The following ZFYVE28 variants were observed in gnomAD, a reference collection of about 807,000 sequenced individuals.
ZFYVE28 encodes zinc finger FYVE-type containing 28, also known as lateral signaling target protein 2 homolog.
Under a neutral mutation model 82.1 loss-of-function variants are expected in ZFYVE28, and 40 were observed. That is an observed-to-expected ratio of 0.49 (90% CI 0.38 to 0.63). The LOEUF (loss-of-function observed/expected upper bound fraction) is 0.63. ZFYVE28 is among the 30% of genes least tolerant of loss of function. The pLI, the probability that ZFYVE28 is intolerant of heterozygous loss-of-function variation, is 0.00. For missense variants in ZFYVE28, 1,321 were observed against 1,242.1 expected (o/e 1.06, Z -0.96); for synonymous variants, 612 against 546.1 (o/e 1.12, Z -1.68).
At position 2,372,081 on chromosome 4, in the gene ZFYVE28, C is replaced by T. The variant is rs751101740; in HGVS notation, c.40-18008G>A. 6.6e-6 allele frequency among the ~76,000 whole-genome samples: 1 copy of T among 152,140 alleles called. No homozygotes were observed. Among genetic ancestry groups the T allele is most frequent in the Non-Finnish European group, 1.5e-5 (1 of 68,016 alleles). ...AGTGGAAGCCTGGAGGGGCGTGCAG[C>T]GTGTGGCCGGTTCTGGTGCGCATGG... On this transcript the variant is annotated intron_variant, in intron 1 of 12. Transcript: ENST00000290974. This position sits in a 1 kb window ranked among gnomAD's most constrained non-coding sequence, Gnocchi z 5.2.
At chr4:2,281,132 G>T (rs1711906351) in intron 8 of ZFYVE28, among the ~76,000 whole-genome samples, 1 of 152,226 alleles carries the variant, frequency 6.6e-6, no homozygotes. Context: ...GTGGGAGGGG[G>T]AATGGGTGGA....
chr4:2,304,842 T>A lies in ZFYVE28; in HGVS notation c.1498A>T (p.Thr500Ser). Residue 500 changes from threonine (T) to serine (S), a missense_variant, in exon 8 of 13, where the codon ACG (threonine) becomes TCG (serine). Physicochemically the swap from Thr to Ser is moderately conservative, Grantham distance 58. Transcript: ENST00000290974. ...GWEVGADDAE[T>S]AEMIAHRTGG... is the part of the protein sequence containing the mutation. ...GTCCGGTGGGCGATCATCTCAGCCGTCTCTGCGTCATCCGCACCCACCTCC... is the reference window on the plus strand; with the variant it reads ...GTCCGGTGGGCGATCATCTCAGCCGACTCTGCGTCATCCGCACCCACCTCC... The A allele has an allele frequency of 6.2e-7, 1 of 1,612,314 alleles. No homozygotes were observed. Among genetic ancestry groups the A allele is most frequent in the South Asian group, 1.1e-5 (1 of 91,054 alleles).
Position 2,305,204 on chromosome 4 carries a change from G to C in ZFYVE28, c.1136C>G (p.Pro379Arg). 1 of 1,605,184 alleles carries C rather than the reference G, an allele frequency of 6.2e-7. No homozygotes were observed. The highest frequency in any genetic ancestry group is 1.3e-5 in the African/African-American group (1 of 74,938). Reference sequence around the variant, plus strand: ...TCTACCTGGAGAGGCCTCCCCGCCTGGGCTGCCCTCCGCTCCTGGCCTGTG... The same window carrying C: ...TCTACCTGGAGAGGCCTCCCCGCCTCGGCTGCCCTCCGCTCCTGGCCTGTG... ...PAHRPGAEGS[P>R]GGEASPGRPR... The change falls in exon 8 of 13, where the codon CCA becomes CGA. Residue 379 changes from proline to arginine, a missense_variant. Transcript: ENST00000290974.
At chr4:2,382,345 A>G (rs971932662) in intron 1 of ZFYVE28, among the ~76,000 whole-genome samples, 4 of 152,244 alleles carry the variant, frequency 2.6e-5, no homozygotes, top group Admixed American at 2.0e-4. Flanking sequence ...GAAAAGCTGT[A>G]GACACTCAAT....
rs140596619 is a variant in ZFYVE28, at chr4:2,415,550, T to C, written c.39+2735A>G. On this transcript the variant is annotated intron_variant, in intron 1 of 12. Coordinates refer to ENST00000290974, the MANE Select transcript of ZFYVE28 (RefSeq NM_020972.3). ...GCAGGAATTCAATTAAAAATTCAGT[T>C]TGAATTGTACATCTATCTAAATACA... is the stretch of plus-strand genomic sequence containing the variant. Among the ~76,000 whole-genome samples the C allele has an allele frequency of 4.3e-3, 655 of 152,226 alleles. 4 individuals are homozygous for C. Among genetic ancestry groups the C allele is most frequent in the Non-Finnish European group, 7.4e-3 (501 of 68,014 alleles).
At chr4:2,279,984 C>G (rs1439575588) in intron 8 of ZFYVE28, among the ~76,000 whole-genome samples, 1 of 152,122 alleles carries the variant, frequency 6.6e-6, no homozygotes, top group Non-Finnish European at 1.5e-5. Flanking sequence ...GGCTGTACAG[C>G]CTCATGGATG....
rs1428080134 is a variant in ZFYVE28 at position 2,397,730 on chromosome 4, G to A, written c.39+20555C>T. 5.9e-5 allele frequency among the ~76,000 whole-genome samples: 9 copies of A among 152,214 alleles called. No individual in the cohort carries two copies. The East Asian group carries it at 1.4e-3, about 23-fold the overall frequency. On this transcript the variant is annotated intron_variant, in intron 1 of 12. Transcript: ENST00000290974. ...CAGAGTGTCCTCACGGGTCATCCATGCCGTAGTATGTGTCGGAATGTCCTT... is the reference window on the plus strand; with the variant it reads ...CAGAGTGTCCTCACGGGTCATCCATACCGTAGTATGTGTCGGAATGTCCTT...
intron 8 of ZFYVE28, among the ~76,000 whole-genome samples, chr4:2,303,753 T>C (rs1049903894): frequency 1.3e-5 from 2 of 152,180 alleles, no homozygotes; most frequent in South Asian, 2.1e-4. Flanking sequence ...AATTTGCCCA[T>C]GGGTGGTCTC....
Position 2,332,346 on chromosome 4 carries a change from C to G in ZFYVE28, c.701+3359G>C, listed in dbSNP as rs772469921. 6.6e-6 allele frequency among the ~76,000 whole-genome samples: 1 copy of G among 152,148 alleles called. No homozygotes were observed. The highest frequency in any genetic ancestry group is 6.5e-5 in the Admixed American group (1 of 15,280). On this transcript the variant is annotated intron_variant, in intron 6 of 12. Coordinates refer to ENST00000290974, the MANE Select transcript of ZFYVE28 (RefSeq NM_020972.3). This position sits in a 1 kb window ranked among gnomAD's most constrained non-coding sequence, Gnocchi z 4.7. ...TTCCTGCGGCCCCCTGGTCCTTGCT[C>G]GAGCCCTGGACTTGCCCCTGAGCAT... is the stretch of plus-strand genomic sequence containing the variant.
At chr4:2,377,053 G>A (rs1207441592) in intron 1 of ZFYVE28, among the ~76,000 whole-genome samples, 1 of 150,164 alleles carries the variant, frequency 6.7e-6, no homozygotes, top group African/African-American at 2.5e-5. Context: ...ACGGAGTCTC[G>A]CTCTGTCACC....
At chr4:2,347,013 C>CAACT (rs1320373228) in intron 2 of ZFYVE28, among the ~76,000 whole-genome samples, 7 of 151,928 alleles carry the variant, frequency 4.6e-5, no homozygotes, top group Admixed American at 1.3e-4. Context: ...AAATGAGACC[C>CAACT]AACTATATGC....
intron 1 of ZFYVE28, among the ~76,000 whole-genome samples, chr4:2,415,354 C>T (rs1308788048): frequency 6.6e-6 from 1 of 152,128 alleles, no homozygotes; most frequent in East Asian, 1.9e-4. Flanking sequence ...CAGTGGCTCA[C>T]ACCTGTAATC....
At chr4:2,399,340 C>T (rs1200974841) in intron 1 of ZFYVE28, among the ~76,000 whole-genome samples, 1 of 152,184 alleles carries the variant, frequency 6.6e-6, no homozygotes, top group Non-Finnish European at 1.5e-5. Context: ...TCACGCCTCT[C>T]CTCCTGTCCA....
At chr4:2,342,102 T>C (rs1722914609) in intron 2 of ZFYVE28, among the ~76,000 whole-genome samples, 1 of 152,186 alleles carries the variant, frequency 6.6e-6, no homozygotes. Flanking sequence ...CATTCCTCTG[T>C]AGAGTCAGGG....
At chr4:2,336,775 GTGAGGAGGTGAGGAGTGAGGAGA>G (rs796854775) in intron 5 of ZFYVE28, among the ~76,000 whole-genome samples, 3 of 128,700 alleles carry the variant, frequency 2.3e-5, no homozygotes, top group African/African-American at 8.2e-5. Flanking sequence ...GAGTGAGGAG[GTGAGGAGGTGAGGAGTGAGGAGA>G]TGAGGAGGTG....
At chr4:2,336,202 C>T (rs925907788) in intron 5 of ZFYVE28, among the ~76,000 whole-genome samples, 1 of 152,204 alleles carries the variant, frequency 6.6e-6, no homozygotes, top group Non-Finnish European at 1.5e-5. Flanking sequence ...CTGCCCCAAA[C>T]AATTCAACAC....
intron 1 of ZFYVE28, among the ~76,000 whole-genome samples, chr4:2,357,116 C>T (rs886820733): frequency 2.0e-5 from 3 of 152,160 alleles, no homozygotes; most frequent in Admixed American, 6.5e-5. Context: ...GGGCTGGTCT[C>T]GAGCTCCTGA....
chr4:2,393,258 C>G (rs1028082058), intron 1 of ZFYVE28, among the ~76,000 whole-genome samples: 1 of 152,238 alleles, frequency 6.6e-6, no homozygotes, highest in South Asian at 2.1e-4. Context: ...TTTCTAGACA[C>G]AGAACACCTG....
chr4:2,401,904 A>G (rs1371591808), intron 1 of ZFYVE28, among the ~76,000 whole-genome samples: 1 of 152,108 alleles, frequency 6.6e-6, no homozygotes, highest in African/African-American at 2.4e-5. Context: ...TTCAAACAAA[A>G]CCAGTTCACT....
Sources: allele counts gnomAD v4.1 joint callset (sites outside exome capture counted in the v4.1 genomes callset), GRCh38; gene constraint gnomAD v4.1.1; non-coding constraint Gnocchi (gnomAD v3.1); transcripts MANE v1.5; gene names NCBI Gene and HGNC (gene_info 2026-07-23, HGNC 2026-07-21).